KHDRBS2: variants seen among roughly 807,000 people sequenced by gnomAD.
KHDRBS2 encodes KH domain-containing, RNA-binding, signal transduction-associated protein 2.
In KHDRBS2, 26 loss-of-function variants were observed where a neutral mutation model predicts 44.3. That is an observed-to-expected ratio of 0.59 (90% CI 0.43 to 0.81). The LOEUF (loss-of-function observed/expected upper bound fraction) is 0.81. KHDRBS2 is among the 40% of genes least tolerant of loss of function. The pLI, the probability that KHDRBS2 is intolerant of heterozygous loss-of-function variation, is 0.00. For missense variants in KHDRBS2, 476 were observed against 433.1 expected, an observed-to-expected ratio of 1.10 and a Z score of -0.88; for synonymous variants, 194 against 151.1, an observed-to-expected ratio of 1.28 and a Z score of -2.08.
At chr6:62,076,224 CAA>C (rs1210472528) in intron 2 of KHDRBS2, among the ~76,000 whole-genome samples, 1 of 151,916 alleles carries the variant, frequency 6.6e-6, no homozygotes, top group Non-Finnish European at 1.5e-5. Context: ...TTAAATTACA[CAA>C]AGTCATATTG....
intron 6 of KHDRBS2, among the ~76,000 whole-genome samples, chr6:61,841,398 A>T (rs997382928): frequency 6.6e-6 from 1 of 152,088 alleles, no homozygotes; most frequent in African/African-American, 2.4e-5. Flanking sequence ...GAATACATTT[A>T]TAACATAAAA....
intron 6 of KHDRBS2, among the ~76,000 whole-genome samples, chr6:61,856,052 T>C (rs1344745197): frequency 6.6e-6 from 1 of 152,166 alleles, no homozygotes; most frequent in Non-Finnish European, 1.5e-5. Context: ...GTGATTTTCA[T>C]CCAACTCTTC....
Position 62,206,425 on chromosome 6 carries a change from C to G in KHDRBS2, c.92-29113G>C, listed in dbSNP as rs367772439. On this transcript the variant is annotated intron_variant, in intron 1 of 8. Coordinates refer to ENST00000281156, the MANE Select transcript of KHDRBS2 (RefSeq NM_152688.4). ...TGTAAATAAATGGCATTCTCAGATG[C>G]CTTGTTATTAATAAGGCCACTTGTG... Among the ~76,000 whole-genome samples the G allele has an allele frequency of 2.0e-5, 3 of 152,030 alleles. No homozygotes were observed. In the East Asian group the frequency reaches 5.8e-4, roughly 29 times the overall value.
intron 6 of KHDRBS2, among the ~76,000 whole-genome samples, chr6:61,751,882 T>C (rs1207798585): frequency 2.2e-5 from 3 of 138,078 alleles, no homozygotes; most frequent in Non-Finnish European, 4.6e-5. Context: ...TCTCCTCAGC[T>C]TGCAAATGGC....
chr6:62,079,744 G>C (rs915170764), intron 2 of KHDRBS2, among the ~76,000 whole-genome samples: 1 of 152,020 alleles, frequency 6.6e-6, no homozygotes, highest in East Asian at 1.9e-4. Context: ...TATTCCTAAT[G>C]CCTCTGCTAA....
chr6:61,756,376 T>A (rs879489382), intron 6 of KHDRBS2, among the ~76,000 whole-genome samples: 10 of 152,062 alleles, frequency 6.6e-5, no homozygotes, highest in Non-Finnish European at 1.0e-4. Flanking sequence ...TTCTCCTGCC[T>A]CAGCCTCCCG....
chr6:61,642,624 G>A, the KHDRBS2 span, among the ~76,000 whole-genome samples: 8 of 148,536 alleles, frequency 5.4e-5, no homozygotes, highest in Non-Finnish European at 1.0e-4. Flanking sequence ...TCACACCAAT[G>A]TACTCCAGCC....
At chr6:61,633,539 A>G in the KHDRBS2 span, among the ~76,000 whole-genome samples, 3 of 152,096 alleles carry the variant, frequency 2.0e-5, no homozygotes, top group Admixed American at 6.6e-5. Context: ...TATTCTCCTA[A>G]GTGCTCATAT....
chr6:61,727,969 C>CT (rs1291994569), intron 7 of KHDRBS2, among the ~76,000 whole-genome samples: 1 of 152,062 alleles, frequency 6.6e-6, no homozygotes, highest in Non-Finnish European at 1.5e-5. Context: ...AAGATACATG[C>CT]ACACATATGT....
the KHDRBS2 span, among the ~76,000 whole-genome samples, chr6:61,603,612 C>T: frequency 6.6e-6 from 1 of 152,154 alleles, no homozygotes; most frequent in Non-Finnish European, 1.5e-5. Context: ...CTGCCGCTGC[C>T]TTAATACTTT....
Position 61,983,645 on chromosome 6 carries a change from A to T in KHDRBS2, c.337-5433T>A, listed in dbSNP as rs570758268. On this transcript the variant is annotated intron_variant, in intron 3 of 8. Coordinates refer to ENST00000281156, the MANE Select transcript of KHDRBS2 (RefSeq NM_152688.4). Reference sequence around the variant, plus strand: ...TTAAAAGTCCAATCTGAGATTCCCTATGTTAATAAAAAACTCCAGCAGAGG... The same window carrying T: ...TTAAAAGTCCAATCTGAGATTCCCTTTGTTAATAAAAAACTCCAGCAGAGG... 3.9e-5 allele frequency among the ~76,000 whole-genome samples: 6 copies of T among 152,228 alleles called. No homozygotes were observed. The East Asian group carries it at 7.7e-4, about 20-fold the overall frequency.
intron 6 of KHDRBS2, chr6:61,816,939 A>G (rs1388283859): frequency 2.2e-6 from 1 of 455,738 alleles, no homozygotes; most frequent in Non-Finnish European, 4.4e-6. Context: ...TAGCATTTCT[A>G]CTTGAGACAA....
At chr6:62,169,553 A>G (rs1276211484) in intron 2 of KHDRBS2, among the ~76,000 whole-genome samples, 2 of 152,110 alleles carry the variant, frequency 1.3e-5, no homozygotes. Context: ...AAGAGGACAC[A>G]GCAGAGAAGA....
At chr6:61,849,637 T>TC (rs1795159933) in intron 6 of KHDRBS2, among the ~76,000 whole-genome samples, 1 of 152,020 alleles carries the variant, frequency 6.6e-6, no homozygotes, top group Non-Finnish European at 1.5e-5. Context: ...ACAAAGTTTT[T>TC]TTTTTTTTTC....
intron 4 of KHDRBS2, among the ~76,000 whole-genome samples, chr6:61,952,666 A>C (rs1186534927): frequency 6.6e-6 from 1 of 152,060 alleles, no homozygotes; most frequent in African/African-American, 2.4e-5. Flanking sequence ...AGCCAAGTAC[A>C]ATTTTCCACC....
rs1036763695 is a variant in KHDRBS2, at chr6:62,249,556, C to A, written c.91+36302G>T. The stretch of plus-strand genomic sequence containing the variant: ...AATATTGGGCAAACATTAATTTTCT[C>A]TTCCCTTAACTCATAAATATTAAGT... On this transcript the variant is annotated intron_variant, in intron 1 of 8. Coordinates refer to ENST00000281156, the MANE Select transcript of KHDRBS2 (RefSeq NM_152688.4). Among the ~76,000 whole-genome samples, 69 of 152,084 alleles carry A rather than the reference C, an allele frequency of 4.5e-4. 1 individual carries two copies. Among genetic ancestry groups the A allele is most frequent in the African/African-American group, 1.7e-3 (69 of 41,520 alleles).
At chr6:62,057,654 T>C (rs566657530) in intron 2 of KHDRBS2, among the ~76,000 whole-genome samples, 1 of 152,096 alleles carries the variant, frequency 6.6e-6, no homozygotes, top group South Asian at 2.1e-4. Context: ...AACCATAATT[T>C]AGTAACTTAG....
chr6:62,148,787 T>A (rs1242689338), intron 2 of KHDRBS2, among the ~76,000 whole-genome samples: 1 of 152,078 alleles, frequency 6.6e-6, no homozygotes, highest in Non-Finnish European at 1.5e-5. Context: ...GAACTCAAAG[T>A]CAATCTTCTG....
chr6:61,670,302 C>T, the KHDRBS2 span, among the ~76,000 whole-genome samples: 2 of 151,252 alleles, frequency 1.3e-5, no homozygotes, highest in Non-Finnish European at 3.0e-5. Flanking sequence ...AAAAGTTATG[C>T]CAATTTGTGC....
Sources: gnomAD v4.1 joint callset for allele counts (sites outside exome capture counted in the v4.1 genomes callset) on GRCh38, gnomAD v4.1.1 for gene constraint, MANE v1.5 for transcripts, NCBI Gene and HGNC (gene_info 2026-07-23, HGNC 2026-07-21) for gene names.